The following KAZN variants were observed in gnomAD, a reference collection of about 807,000 sequenced individuals.
KAZN encodes the protein kazrin.
In KAZN, 40 loss-of-function variants were observed where a neutral mutation model predicts 87.4. That is an observed-to-expected ratio of 0.46 (90% CI 0.36 to 0.60). The LOEUF (loss-of-function observed/expected upper bound fraction) is 0.60. Among genes scored for constraint, KAZN ranks in the 20% least tolerant of loss-of-function variants. The probability of loss-of-function intolerance (pLI) is 0.00; values close to 1 mark genes in which losing one functional copy is unlikely to be tolerated. For missense variants in KAZN, 898 were observed against 1,073.9 expected (o/e 0.84, Z 2.29); for synonymous variants, 466 against 458.3 (o/e 1.02, Z -0.22).
At chr1:14,700,331 C>T (rs1489337201) in intron 1 of KAZN, among the ~76,000 whole-genome samples, 6 of 151,938 alleles carry the variant, frequency 3.9e-5, no homozygotes, top group Admixed American at 6.6e-5. Context: ...AATTAGTTGG[C>T]CATGGTGGTG....
intron 1 of KAZN, among the ~76,000 whole-genome samples, chr1:14,691,640 C>T (rs891680526): frequency 1.2e-4 from 18 of 152,138 alleles, no homozygotes; most frequent in African/African-American, 4.3e-4. Context: ...GTGCACACCA[C>T]CACGCCCAGC....
At chr1:14,544,682 C>A (rs1323120755) in intron 2 of KAZN, among the ~76,000 whole-genome samples, 3 of 151,178 alleles carry the variant, frequency 2.0e-5, no homozygotes, top group Non-Finnish European at 2.9e-5. Context: ...TGTATTTATG[C>A]CACATTATTA....
intron 2 of KAZN, among the ~76,000 whole-genome samples, chr1:14,488,624 G>A (rs751088582): frequency 3.9e-5 from 6 of 152,180 alleles, no homozygotes; most frequent in Non-Finnish European, 7.3e-5. Flanking sequence ...TCCTGTAAGC[G>A]TCTTCAATCA....
chr1:14,768,884 A>C (rs981666293), intron 1 of KAZN, among the ~76,000 whole-genome samples: 1 of 152,240 alleles, frequency 6.6e-6, no homozygotes, highest in South Asian at 2.1e-4. Flanking sequence ...GATTCGCGCC[A>C]TGTGAAATGT....
intron 2 of KAZN, among the ~76,000 whole-genome samples, chr1:14,514,400 TATATATA>T (rs1671130057): frequency 7.0e-5 from 2 of 28,604 alleles, no homozygotes; most frequent in African/African-American, 1.5e-4. Context: ...TATATATTTA[TATATATA>T]ATATATAAAT....
chr1:14,284,098 G>C (rs1168782935), intron 2 of KAZN, among the ~76,000 whole-genome samples: 1 of 151,752 alleles, frequency 6.6e-6, no homozygotes, highest in Non-Finnish European at 1.5e-5. Flanking sequence ...CTAGGGTGGG[G>C]ATGGGAGATC....
chr1:14,616,656 T>C (rs1371553730), intron 1 of KAZN, among the ~76,000 whole-genome samples: 3 of 152,210 alleles, frequency 2.0e-5, no homozygotes, highest in Non-Finnish European at 4.4e-5. Context: ...CCTCTTGGCA[T>C]TTCTGAGATA....
rs557436936 is a variant in KAZN, at chr1:15,054,467, T to C, written c.727-1624T>C. ...GAGTTTGAGACCAGCCTGGCCAACA[T>C]AGTGCGACCCTGTCTCTACCAAAAA... On this transcript the variant is annotated intron_variant, in intron 4 of 14. Coordinates refer to ENST00000376030, the MANE Select transcript of KAZN (RefSeq NM_201628.3). Among the ~76,000 whole-genome samples, 3 of 152,036 alleles carry C rather than the reference T, an allele frequency of 2.0e-5. No individual in the cohort carries two copies. In the East Asian group the frequency reaches 5.8e-4, roughly 30 times the overall value.
chr1:14,980,691 T>C (rs1349856776), intron 2 of KAZN, among the ~76,000 whole-genome samples: 1 of 152,122 alleles, frequency 6.6e-6, no homozygotes, highest in African/African-American at 2.4e-5. Flanking sequence ...GAAAAAGACA[T>C]GATCTTTACC....
intron 1 of KAZN, among the ~76,000 whole-genome samples, chr1:14,762,510 G>T (rs1206498686): frequency 6.6e-6 from 1 of 151,926 alleles, no homozygotes; most frequent in Non-Finnish European, 1.5e-5. Context: ...AGGATCATGA[G>T]GTCAGGAAAT....
chr1:13,911,027 G>C (rs1354901278), intron 1 of KAZN, among the ~76,000 whole-genome samples: 2 of 152,010 alleles, frequency 1.3e-5, no homozygotes, highest in East Asian at 3.9e-4. Flanking sequence ...GAGAGATGGA[G>C]GAAATGGCAC....
chr1:13,991,546 A>C (rs1639284629), intron 1 of KAZN, among the ~76,000 whole-genome samples: 1 of 152,200 alleles, frequency 6.6e-6, no homozygotes, highest in South Asian at 2.1e-4. Flanking sequence ...TAAAATAATT[A>C]GGGAGTGATG....
At chr1:14,311,067 T>A (rs1655255422) in intron 2 of KAZN, among the ~76,000 whole-genome samples, 1 of 152,198 alleles carries the variant, frequency 6.6e-6, no homozygotes, top group African/African-American at 2.4e-5. Flanking sequence ...TTGAGGTGAA[T>A]ATGAAAGCCT....
chr1:14,640,384 G>A (rs1680328232), intron 1 of KAZN, among the ~76,000 whole-genome samples: 1 of 152,124 alleles, frequency 6.6e-6, no homozygotes, highest in Non-Finnish European at 1.5e-5. Flanking sequence ...CCTCTAACAT[G>A]TTCCTGTCTT....
chr1:14,641,346 T>A (rs11584867), intron 1 of KAZN, among the ~76,000 whole-genome samples: 1,892 of 152,310 alleles, frequency 0.012, 19 homozygotes, highest in Middle Eastern at 0.031. Context: ...CTGCATCCAG[T>A]TGGTCTAGAT....
At chr1:14,631,638 C>G (rs983216996) in intron 1 of KAZN, among the ~76,000 whole-genome samples, 35 of 152,256 alleles carry the variant, frequency 2.3e-4, no homozygotes, top group African/African-American at 8.4e-4. Context: ...ACATGTGACT[C>G]TAGATTATGC....
chr1:14,208,739 G>C (rs1646793799), intron 2 of KAZN, among the ~76,000 whole-genome samples: 1 of 152,200 alleles, frequency 6.6e-6, no homozygotes, highest in African/African-American at 2.4e-5. Context: ...GTAAAATAAA[G>C]GGTAGTCTCA....
intron 1 of KAZN, among the ~76,000 whole-genome samples, chr1:14,747,623 C>A (rs58789106): frequency 4.6e-5 from 7 of 152,142 alleles, no homozygotes; most frequent in Non-Finnish European, 7.3e-5. Flanking sequence ...TAAGCATTTG[C>A]GTAGTTTCCA....
At chr1:14,598,395 A>G (rs557927219), upstream of KAZN, among the ~76,000 whole-genome samples, 4 of 151,792 alleles carry the variant, frequency 2.6e-5, no homozygotes, top group East Asian at 5.8e-4. This position sits in a 1 kb window ranked among gnomAD's most constrained non-coding sequence, Gnocchi z 4.2. Context: ...CACCTCCCCA[A>G]CCTTAGCACG....
Sources: allele counts gnomAD v4.1 joint callset (sites outside exome capture counted in the v4.1 genomes callset), GRCh38; gene constraint gnomAD v4.1.1; non-coding constraint Gnocchi (gnomAD v3.1); transcripts MANE v1.5; gene names NCBI Gene and HGNC (gene_info 2026-07-23, HGNC 2026-07-21).